Variants in KPNA4 observed in about 807,000 individuals in gnomAD.
KPNA4 encodes the protein karyopherin subunit alpha 4.
A neutral mutation model predicts 71.3 loss-of-function variants in KPNA4; 13 were observed. That is an observed-to-expected ratio of 0.18 (90% confidence interval 0.12 to 0.29). The LOEUF (loss-of-function observed/expected upper bound fraction) is 0.29. KPNA4 is among the 10% of genes least tolerant of loss of function. The probability of loss-of-function intolerance (pLI) is 1.00; values close to 1 mark genes in which losing one functional copy is unlikely to be tolerated. For synonymous variants in KPNA4, 189 were observed against 195.2 expected, an observed-to-expected ratio of 0.97 and a Z score of 0.26; for missense variants, 334 against 603.2, an observed-to-expected ratio of 0.55 and a Z score of 4.67.
At chr3:160,562,276 A>C (rs1722258663) in intron 1 of KPNA4, among the ~76,000 whole-genome samples, 1 of 152,174 alleles carries the variant, frequency 6.6e-6, no homozygotes, top group Admixed American at 6.5e-5. Context: ...GAAACGTCTC[A>C]ATTATTTTAC....
chr3:160,542,477 A>C (rs192009015), intron 1 of KPNA4, among the ~76,000 whole-genome samples: 1 of 152,322 alleles, frequency 6.6e-6, no homozygotes, highest in East Asian at 1.9e-4. Context: ...TAAAAGGGAA[A>C]GTTTAAATGC....
intron 5 of KPNA4, among the ~76,000 whole-genome samples, chr3:160,534,817 ATGGAG>A (rs1721653146): frequency 6.9e-6 from 1 of 145,300 alleles, no homozygotes; most frequent in African/African-American, 2.5e-5. Context: ...TTTTTTTGAG[ATGGAG>A]TTATGATTCT....
Position 160,544,312 on chromosome 3 carries a change from C to T in KPNA4, c.70-7472G>A, listed in dbSNP as rs533823057. 7.0e-4 allele frequency among the ~76,000 whole-genome samples: 107 copies of T among 152,288 alleles called. 1 individual carries two copies. Among genetic ancestry groups the T allele is most frequent in the South Asian group, 3.3e-3 (16 of 4,818 alleles). On this transcript the variant is annotated intron_variant, in intron 1 of 16. Transcript: ENST00000334256. ...CATAGGTTTGGTGAGACACATATAA[C>T]CTTCTCAGGGTTGGGAAACACTGCA...
intron 5 of KPNA4, among the ~76,000 whole-genome samples, chr3:160,533,217 G>T (rs2108552834): frequency 6.6e-6 from 1 of 152,114 alleles, no homozygotes; most frequent in Non-Finnish European, 1.5e-5. Flanking sequence ...AGAGACGGGG[G>T]TTTCACCATG....
intron 10 of KPNA4, among the ~76,000 whole-genome samples, chr3:160,522,795 A>G (rs1721380066): frequency 6.6e-6 from 1 of 152,076 alleles, no homozygotes; most frequent in Non-Finnish European, 1.5e-5. Flanking sequence ...CTACAGCTGC[A>G]GATCAAGACA....
At chr3:160,514,293 C>T in intron 12 of KPNA4, 112 bp from the exon 13 acceptor site, 1 of 670,050 alleles carries the variant, frequency 1.5e-6, no homozygotes, top group Non-Finnish European at 2.4e-6. Context: ...GAAATGAGCT[C>T]CATAATAAAA....
At chr3:160,535,283 C>A (rs983362383) in intron 5 of KPNA4, among the ~76,000 whole-genome samples, 8 of 152,038 alleles carry the variant, frequency 5.3e-5, no homozygotes, top group African/African-American at 1.9e-4. Flanking sequence ...GTATATTAAA[C>A]CTTCAGTGTA....
chr3:160,503,741 GA>G (rs1178453369), intron 16 of KPNA4, among the ~76,000 whole-genome samples: 1 of 152,156 alleles, frequency 6.6e-6, no homozygotes, highest in East Asian at 1.9e-4. Context: ...TGCAAATTAT[GA>G]TTTTCAAAAA....
intron 1 of KPNA4, among the ~76,000 whole-genome samples, chr3:160,558,757 T>TA (rs565562250): frequency 8.1e-4 from 123 of 151,222 alleles, no homozygotes; most frequent in South Asian, 4.8e-3. Flanking sequence ...AATACTTTTT[T>TA]TAAAAAAAAA....
chr3:160,513,921 T>TA (rs1352238383), intron 13 of KPNA4, among the ~76,000 whole-genome samples, 156 bp downstream of exon 13: 1 of 151,438 alleles, frequency 6.6e-6, no homozygotes, highest in Admixed American at 6.6e-5. Flanking sequence ...TAAAAATGGC[T>TA]AGGTTCAAAA....
intron 7 of KPNA4, among the ~76,000 whole-genome samples, chr3:160,529,563 A>C (rs1560049977): frequency 6.6e-6 from 1 of 152,106 alleles, no homozygotes; most frequent in Non-Finnish European, 1.5e-5. Context: ...AAAATGTACA[A>C]ATTAGTGCTT....
chr3:160,521,032 A>G (rs1721338581), intron 11 of KPNA4, among the ~76,000 whole-genome samples: 1 of 152,228 alleles, frequency 6.6e-6, no homozygotes, highest in Admixed American at 6.5e-5. Context: ...ACAATAAAAA[A>G]TAAATTTAAA....
At chr3:160,511,942 A>T (rs1721103948) in intron 13 of KPNA4, among the ~76,000 whole-genome samples, 1 of 152,056 alleles carries the variant, frequency 6.6e-6, no homozygotes, top group East Asian at 1.9e-4. Context: ...AAATCATAGG[A>T]ATAAAAATTA....
intron 5 of KPNA4, 44 bp downstream of exon 5, chr3:160,535,469 G>C (rs1721669901): frequency 2.0e-6 from 3 of 1,464,304 alleles, no homozygotes; most frequent in Non-Finnish European, 2.8e-6. Context: ...TAGAACCCCT[G>C]TGTAAGTTGT....
At chr3:160,552,223 A>G (rs1195279878) in intron 1 of KPNA4, among the ~76,000 whole-genome samples, 2 of 152,210 alleles carry the variant, frequency 1.3e-5, no homozygotes, top group East Asian at 1.9e-4. Flanking sequence ...ATTTTTCCAA[A>G]AAGTGTTTTT....
chr3:160,550,113 T>G (rs1722008451), intron 1 of KPNA4, among the ~76,000 whole-genome samples: 1 of 152,204 alleles, frequency 6.6e-6, no homozygotes, highest in Non-Finnish European at 1.5e-5. Context: ...TTCTAATCAT[T>G]TTTGTGGAAT....
At chr3:160,553,428 A>G (rs939868022) in intron 1 of KPNA4, among the ~76,000 whole-genome samples, 2 of 152,210 alleles carry the variant, frequency 1.3e-5, no homozygotes, top group Non-Finnish European at 1.5e-5. Flanking sequence ...GAATTACGTA[A>G]AGACTAAGAC....
At chr3:160,553,294 T>A (rs914840501) in intron 1 of KPNA4, among the ~76,000 whole-genome samples, 3 of 152,014 alleles carry the variant, frequency 2.0e-5, no homozygotes, top group Non-Finnish European at 2.9e-5. Context: ...GTAGTGGGAG[T>A]TGGGAAGAAA....
chr3:160,542,063 C>T (rs1577059385), intron 1 of KPNA4, among the ~76,000 whole-genome samples: 1 of 152,032 alleles, frequency 6.6e-6, no homozygotes, highest in East Asian at 1.9e-4. Context: ...AAAGGCATTC[C>T]AGGTAGAAAA....
Sources: allele counts gnomAD v4.1 joint callset (sites outside exome capture counted in the v4.1 genomes callset), GRCh38; gene constraint gnomAD v4.1.1; transcripts MANE v1.5; gene names NCBI Gene and HGNC (gene_info 2026-07-23, HGNC 2026-07-21).